Variants in ERBB4 observed in about 807,000 individuals in gnomAD.
ERBB4 encodes erb-b2 receptor tyrosine kinase 4.
Under a neutral mutation model 158.0 loss-of-function variants are expected in ERBB4, and 42 were observed. The observed-to-expected ratio is 0.27, with a 90% CI of 0.21 to 0.34. The LOEUF is 0.34. Ranked by LOEUF, ERBB4 falls within the 10% of genes least tolerant of loss-of-function variation. The pLI, the probability that ERBB4 is intolerant of heterozygous loss-of-function variation, is 1.00. For missense variants in ERBB4, 1,333 were observed against 1,624.1 expected, an observed-to-expected ratio of 0.82 and a Z score of 3.08; for synonymous variants, 583 against 558.7, an observed-to-expected ratio of 1.04 and a Z score of -0.61.
chr2:211,930,519 C>A (rs57175680), intron 3 of ERBB4, among the ~76,000 whole-genome samples: 14,831 of 152,088 alleles, frequency 0.098, 1,058 homozygotes, highest in African/African-American at 0.2. Flanking sequence ...AGTCTGCAAA[C>A]CAAGTCTATT....
chr2:211,901,331 A>T (rs2079229947), intron 3 of ERBB4, among the ~76,000 whole-genome samples: 1 of 152,186 alleles, frequency 6.6e-6, no homozygotes, highest in Non-Finnish European at 1.5e-5. Context: ...AATGTGATAG[A>T]TTTAAAAAAC....
chr2:211,901,494 G>A (rs2079234752), intron 3 of ERBB4, among the ~76,000 whole-genome samples: 1 of 152,030 alleles, frequency 6.6e-6, no homozygotes, highest in African/African-American at 2.4e-5. Context: ...ATGTCCTTCT[G>A]CAAGCATTAC....
rs146688167 is a variant in ERBB4, at chr2:211,432,681, C to G, written c.2488-1581G>C. On this transcript the variant is annotated intron_variant, in intron 20 of 27. Coordinates refer to ENST00000342788, the MANE Select transcript of ERBB4 (RefSeq NM_005235.3). The stretch of plus-strand genomic sequence containing the variant: ...CATATCTTCCCAAGTAATACTATCC[C>G]TTTAACAAATGTTCATGAAACATTC... Among the ~76,000 whole-genome samples, 388 of 151,974 alleles carry G rather than the reference C, an allele frequency of 2.6e-3. 1 individual carries two copies. Among genetic ancestry groups the G allele is most frequent in the African/African-American group, 7.8e-3 (323 of 41,418 alleles).
intron 20 of ERBB4, among the ~76,000 whole-genome samples, chr2:211,520,827 T>G (rs988718394): frequency 1.3e-5 from 2 of 152,176 alleles, no homozygotes; most frequent in African/African-American, 4.8e-5. Context: ...TTTTAAACTT[T>G]GTTATAATTA....
rs776564487 is a variant in ERBB4, at chr2:211,665,432, T to A, written c.1762A>T (p.Asn588Tyr). The A allele has an allele frequency of 1.9e-6, 3 of 1,613,968 alleles. No individual in the cohort carries two copies. In the African/African-American group the frequency reaches 4.0e-5, roughly 22 times the overall value. Residue 588 changes from asparagine (N) to tyrosine (Y), a missense_variant, in exon 15 of 28, where the codon AAC becomes TAC. Around this residue, in one of 5 missense-constraint regions of ERBB4, gnomAD observed 245 missense variants for 247.5 expected, o/e 0.99. Transcript: ENST00000342788. The part of the protein sequence containing the change: ...TKCSHFKDGP[N>Y]CVEKCPDGLQ... Reference sequence around the variant, plus strand: ...CCATCTGGACATTTTTCCACACAGTTTGGGCCATCTTTAAAATGAGAGCAC... The same window carrying A: ...CCATCTGGACATTTTTCCACACAGTATGGGCCATCTTTAAAATGAGAGCAC...
intron 3 of ERBB4, among the ~76,000 whole-genome samples, chr2:211,861,638 T>C (rs1242425644): frequency 6.6e-6 from 1 of 152,122 alleles, no homozygotes; most frequent in Non-Finnish European, 1.5e-5. Context: ...AGGTGATACA[T>C]GCACAATATG....
intron 1 of ERBB4, among the ~76,000 whole-genome samples, chr2:212,228,917 T>C (rs955593411): frequency 1.3e-5 from 2 of 152,220 alleles, no homozygotes; most frequent in Admixed American, 1.3e-4. Flanking sequence ...AAAATTTATG[T>C]ATATGTGAAG....
intron 4 of ERBB4, among the ~76,000 whole-genome samples, chr2:211,773,635 T>TATA (rs1553630530): frequency 4.0e-5 from 4 of 101,108 alleles, no homozygotes; most frequent in African/African-American, 1.2e-4. Context: ...TATATATATA[T>TATA]ATATATATAT....
chr2:212,115,998 TA>T (rs1239027012), intron 2 of ERBB4, among the ~76,000 whole-genome samples: 4 of 152,230 alleles, frequency 2.6e-5, no homozygotes, highest in South Asian at 2.1e-4. Flanking sequence ...GCTTTGCAAT[TA>T]GGGGCTAAAA....
chr2:211,744,512 CTGT>C (rs907707526), intron 5 of ERBB4, among the ~76,000 whole-genome samples: 1 of 152,186 alleles, frequency 6.6e-6, no homozygotes, highest in Non-Finnish European at 1.5e-5. Flanking sequence ...CTGAAGCTCA[CTGT>C]TGTTGTGACC....
At chr2:211,657,367 G>C (rs963634653) in intron 16 of ERBB4, among the ~76,000 whole-genome samples, 1 of 151,990 alleles carries the variant, frequency 6.6e-6, no homozygotes. Context: ...AAATTAGCCA[G>C]GCATGGTGGT....
At chr2:211,890,705 A>G (rs1368280995) in intron 3 of ERBB4, among the ~76,000 whole-genome samples, 1 of 135,644 alleles carries the variant, frequency 7.4e-6, no homozygotes, top group East Asian at 2.0e-4. Flanking sequence ...AAAAGGATGG[A>G]GGAAGATCTA....
intron 3 of ERBB4, among the ~76,000 whole-genome samples, chr2:211,884,521 C>T (rs73073322): frequency 0.14 from 21,590 of 152,160 alleles, 1,892 homozygotes; most frequent in African/African-American, 0.24. Context: ...TAAATCCACA[C>T]TGTCAACACA....
intron 3 of ERBB4, among the ~76,000 whole-genome samples, chr2:211,850,065 T>C (rs988520159): frequency 2.0e-5 from 3 of 152,030 alleles, no homozygotes; most frequent in African/African-American, 7.2e-5. Context: ...CCATCCAACC[T>C]TCTATGCTTC....
intron 1 of ERBB4, among the ~76,000 whole-genome samples, chr2:212,307,114 C>T (rs1475540951): frequency 6.0e-5 from 9 of 151,210 alleles, no homozygotes; most frequent in Non-Finnish European, 1.3e-4. Flanking sequence ...CCAATCAGAG[C>T]TCAGTTACTC....
At chr2:211,598,760 C>G (rs971501992) in intron 19 of ERBB4, among the ~76,000 whole-genome samples, 6 of 152,126 alleles carry the variant, frequency 3.9e-5, no homozygotes, top group African/African-American at 1.4e-4. Context: ...AAAGTGAAAA[C>G]TTGGACATAT....
chr2:211,979,799 C>T (rs910630883), intron 2 of ERBB4, among the ~76,000 whole-genome samples: 2 of 152,120 alleles, frequency 1.3e-5, no homozygotes, highest in Non-Finnish European at 2.9e-5. Flanking sequence ...TATCTGTTTA[C>T]CTCTGATTCT....
chr2:212,291,659 C>T (rs1054128158), intron 1 of ERBB4, among the ~76,000 whole-genome samples: 1 of 151,950 alleles, frequency 6.6e-6, no homozygotes, highest in Non-Finnish European at 1.5e-5. Context: ...AAAGCAGGTG[C>T]TCAAAAATAA....
At chr2:211,928,110 C>G (rs1390413889) in intron 3 of ERBB4, among the ~76,000 whole-genome samples, 1 of 152,102 alleles carries the variant, frequency 6.6e-6, no homozygotes, top group Non-Finnish European at 1.5e-5. Context: ...CTGGAATATT[C>G]ACACAATCCC....
Sources: gnomAD v4.1 joint callset for allele counts (sites outside exome capture counted in the v4.1 genomes callset) on GRCh38, gnomAD v4.1.1 for gene constraint, gnomAD v4.1.1 regional missense constraint, MANE v1.5 for transcripts, NCBI Gene and HGNC (gene_info 2026-07-23, HGNC 2026-07-21) for gene names.